CNTN5: variants seen among roughly 807,000 people sequenced by gnomAD.
CNTN5 encodes contactin-5.
Under a neutral mutation model 129.1 loss-of-function variants are expected in CNTN5, and 77 were observed. That is an observed-to-expected ratio of 0.60 (90% confidence interval 0.50 to 0.72). CNTN5 has a LOEUF of 0.72. Among genes scored for constraint, CNTN5 ranks in the 30% least tolerant of loss-of-function variants. The pLI, the probability that CNTN5 is intolerant of heterozygous loss-of-function variation, is 0.00. For missense variants in CNTN5, 1,478 were observed against 1,328.8 expected (o/e 1.11, Z -1.75); for synonymous variants, 509 against 465.6 (o/e 1.09, Z -1.20).
At position 99,355,832 on chromosome 11, in the gene CNTN5, T is replaced by C. The variant is rs113425859; in HGVS notation, c.-71+30348T>C. Among the ~76,000 whole-genome samples the C allele has an allele frequency of 7.3e-5, 11 of 150,194 alleles. 1 individual carries two copies. Among genetic ancestry groups the C allele is most frequent in the Non-Finnish European group, 1.5e-4 (10 of 67,634 alleles). On this transcript the variant is annotated intron_variant, in intron 2 of 24. Transcript: ENST00000524871. ...CATGGTTTTTTTTTGTTTTTTTTTT[T>C]TTTGTTTTTTTTGAGACGGAATCTC...
At chr11:99,117,875 A>G (rs967446975) in intron 1 of CNTN5, among the ~76,000 whole-genome samples, 3 of 152,300 alleles carry the variant, frequency 2.0e-5, no homozygotes, top group South Asian at 2.1e-4. Context: ...TGGACCTCCC[A>G]GTCTCCAGAA....
rs554524441 is a variant in CNTN5 at position 100,353,049 on chromosome 11, A to G, written c.3199+2179A>G. ...CTCTCTAAGGTTACTTTCAACTCCA[A>G]CACAATCAGATTCTATAGTATTATC... On this transcript the variant is annotated intron_variant, in intron 24 of 24. Transcript: ENST00000524871. 6.6e-5 allele frequency among the ~76,000 whole-genome samples: 10 copies of G among 151,690 alleles called. No homozygotes were observed. The South Asian group carries it at 1.7e-3, about 25-fold the overall frequency.
intron 2 of CNTN5, among the ~76,000 whole-genome samples, chr11:99,349,685 A>C (rs1228410280): frequency 6.6e-6 from 1 of 152,162 alleles, no homozygotes; most frequent in African/African-American, 2.4e-5. Flanking sequence ...TTGTGAACTA[A>C]ACTTTTAAAG....
chr11:100,318,932 T>G (rs370272644), intron 21 of CNTN5, among the ~76,000 whole-genome samples: 80 of 152,282 alleles, frequency 5.3e-4, no homozygotes, highest in African/African-American at 1.8e-3. Flanking sequence ...AGGGCAAGGC[T>G]TTTTTCTTTA....
At chr11:100,210,946 T>A (rs1459629839) in intron 15 of CNTN5, among the ~76,000 whole-genome samples, 1 of 152,186 alleles carries the variant, frequency 6.6e-6, no homozygotes, top group Non-Finnish European at 1.5e-5. Context: ...TGAAGTAATA[T>A]AACTATTTCT....
intron 1 of CNTN5, among the ~76,000 whole-genome samples, chr11:99,179,508 TTAAC>T (rs1405136946): frequency 5.3e-5 from 8 of 152,072 alleles, no homozygotes; most frequent in African/African-American, 1.9e-4. Flanking sequence ...AAAAAGAAAT[TTAAC>T]TAGTTTTACC....
chr11:99,964,996 C>T (rs1006971943), intron 8 of CNTN5, among the ~76,000 whole-genome samples: 4 of 152,086 alleles, frequency 2.6e-5, no homozygotes, highest in African/African-American at 7.2e-5. Context: ...TCTGTGGGAT[C>T]GGTGGTGATA....
chr11:99,136,530 A>G (rs1591257548), intron 1 of CNTN5, among the ~76,000 whole-genome samples: 1 of 151,810 alleles, frequency 6.6e-6, no homozygotes, highest in African/African-American at 2.4e-5. Context: ...TATTTCCTCT[A>G]CTCCTGCCAT....
At chr11:99,833,122 C>T (rs760946225) in intron 4 of CNTN5, among the ~76,000 whole-genome samples, 2 of 152,138 alleles carry the variant, frequency 1.3e-5, no homozygotes, top group East Asian at 1.9e-4. Flanking sequence ...TTTCTGAGAA[C>T]CTGGCTGCAG....
intron 4 of CNTN5, among the ~76,000 whole-genome samples, chr11:99,828,595 C>G (rs140856899): frequency 2.0e-5 from 3 of 152,086 alleles, no homozygotes; most frequent in Admixed American, 6.6e-5. Context: ...AGCCGATACC[C>G]TATGCTATTT....
chr11:99,730,452 A>C (rs1182331885), intron 3 of CNTN5, among the ~76,000 whole-genome samples: 2 of 152,242 alleles, frequency 1.3e-5, no homozygotes, highest in African/African-American at 4.8e-5. Context: ...CATCAAAGAT[A>C]AACACCTCAA....
intron 3 of CNTN5, among the ~76,000 whole-genome samples, chr11:99,616,327 C>G (rs1161138554): frequency 6.6e-6 from 1 of 152,156 alleles, no homozygotes; most frequent in Non-Finnish European, 1.5e-5. Flanking sequence ...CTACTTGATT[C>G]TGCACCCTGG....
At chr11:100,023,996 T>A (rs79231689) in intron 9 of CNTN5, among the ~76,000 whole-genome samples, 4 of 152,206 alleles carry the variant, frequency 2.6e-5, no homozygotes, top group Admixed American at 1.3e-4. Context: ...TGTGTCGATA[T>A]AAGTTTTCAA....
At chr11:100,251,751 C>A (rs1949967115) in intron 16 of CNTN5, among the ~76,000 whole-genome samples, 1 of 152,064 alleles carries the variant, frequency 6.6e-6, no homozygotes, top group Admixed American at 6.6e-5. Flanking sequence ...GACAGAATTA[C>A]ATTCTTTTTA....
At chr11:100,179,201 C>G (rs1591361023) in intron 13 of CNTN5, among the ~76,000 whole-genome samples, 1 of 152,012 alleles carries the variant, frequency 6.6e-6, no homozygotes, top group African/African-American at 2.4e-5. Context: ...CATTAACTAT[C>G]GTCATCTCCA....
intron 3 of CNTN5, among the ~76,000 whole-genome samples, chr11:99,800,174 T>C (rs949635786): frequency 2.0e-5 from 3 of 152,148 alleles, no homozygotes; most frequent in Admixed American, 6.5e-5. Flanking sequence ...AGTGTTTTCA[T>C]TTATTTCATA....
intron 15 of CNTN5, among the ~76,000 whole-genome samples, chr11:100,215,974 A>T (rs1180627985): frequency 6.6e-6 from 1 of 152,150 alleles, no homozygotes; most frequent in East Asian, 1.9e-4. Context: ...AAGGTGAAAA[A>T]GAAATTGCTT....
At chr11:99,327,668 G>A (rs1865840592) in intron 2 of CNTN5, among the ~76,000 whole-genome samples, 1 of 152,114 alleles carries the variant, frequency 6.6e-6, no homozygotes, top group East Asian at 1.9e-4. Flanking sequence ...TGACAAGAGT[G>A]GATTCACAGT....
chr11:99,940,258 A>T (rs916005878), intron 7 of CNTN5, among the ~76,000 whole-genome samples: 3 of 152,116 alleles, frequency 2.0e-5, no homozygotes, highest in Admixed American at 6.6e-5. Flanking sequence ...CATTAAGATG[A>T]TATTTTACAT....
Sources: allele counts gnomAD v4.1 joint callset (sites outside exome capture counted in the v4.1 genomes callset), GRCh38; gene constraint gnomAD v4.1.1; transcripts MANE v1.5; gene names NCBI Gene and HGNC (gene_info 2026-07-23, HGNC 2026-07-21).